The following VCL variants were observed in gnomAD, a reference collection of about 807,000 sequenced individuals.
VCL encodes the protein vinculin, also known as epididymis luminal protein 114.
A neutral mutation model predicts 125.7 loss-of-function variants in VCL; 47 were observed. The ratio of observed to expected loss-of-function variants is 0.37; its 90% CI spans 0.30 to 0.48. The LOEUF (loss-of-function observed/expected upper bound fraction) is 0.48. VCL is among the 20% of genes least tolerant of loss of function. The pLI is 0.99. For synonymous variants in VCL, 458 were observed against 514.6 expected (o/e 0.89, Z 1.49); for missense variants, 1,069 against 1,455.5 (o/e 0.73, Z 4.32).
chr10:74,087,959 C>T (rs117335235), intron 8 of VCL, among the ~76,000 whole-genome samples: 1,783 of 152,152 alleles, frequency 0.012, 22 homozygotes, highest in Admixed American at 0.021. Flanking sequence ...CCCAAGATCG[C>T]GCCACTTCAT....
At chr10:74,047,987 CA>C (rs1841220993) in intron 2 of VCL, among the ~76,000 whole-genome samples, 1 of 152,138 alleles carries the variant, frequency 6.6e-6, no homozygotes, top group Admixed American at 6.6e-5. Context: ...GCTGCACTGG[CA>C]GATAGAGCTC....
rs66999390 is a variant in VCL, at chr10:74,096,150, CT to C, written c.1743+310del. 0.013 allele frequency among the ~76,000 whole-genome samples: 259 copies of C among 20,010 alleles called. 1 individual carries two copies. Among genetic ancestry groups the C allele is most frequent in the Middle Eastern group, 0.071 (2 of 28 alleles). The allele number at this position is 20,010 out of a possible 152,430, so 13.1% of individuals were successfully genotyped here. On this transcript the variant is annotated intron_variant, in intron 12 of 21. Coordinates refer to ENST00000211998, the MANE Select transcript of VCL (RefSeq NM_014000.3). ...TAGCCAATATTTTTCTTAAAATGGA[CT>C]TTTTTTTTTTTTTTAAATGGACTTC...
intron 16 of VCL, among the ~76,000 whole-genome samples, chr10:74,105,809 C>T (rs1270196655): frequency 6.9e-6 from 1 of 144,576 alleles, no homozygotes; most frequent in African/African-American, 2.9e-5. Context: ...CCCGCCTTGG[C>T]CTGTCAAAGT....
intron 15 of VCL, 126 bp downstream of exon 15, chr10:74,104,054 A>G (rs1238837121): frequency 2.1e-6 from 2 of 962,782 alleles, no homozygotes; most frequent in Non-Finnish European, 3.2e-6. Flanking sequence ...TGAGCAGTGT[A>G]CTTGGCTCTG....
intron 1 of VCL, among the ~76,000 whole-genome samples, chr10:74,033,859 G>A (rs1271445883): frequency 6.6e-6 from 1 of 152,072 alleles, no homozygotes; most frequent in African/African-American, 2.4e-5. Flanking sequence ...GCCAGGGGCT[G>A]GGAGCCATCC....
chr10:74,089,948 C>G (rs1591702038), intron 9 of VCL, 75 bp from the exon 10 acceptor site: 1 of 1,553,538 alleles, frequency 6.4e-7, no homozygotes, highest in East Asian at 2.2e-5. Context: ...AATCCTTCTT[C>G]TGGCCTTGTT....
chr10:74,015,454 T>G (rs1394140444), intron 1 of VCL, among the ~76,000 whole-genome samples: 2 of 152,044 alleles, frequency 1.3e-5, no homozygotes, highest in African/African-American at 4.8e-5. Flanking sequence ...CTCGGGAGAC[T>G]GAGGCAGGAG....
intron 1 of VCL, among the ~76,000 whole-genome samples, chr10:74,012,727 G>C (rs1565633043): frequency 6.6e-6 from 1 of 152,108 alleles, no homozygotes; most frequent in Non-Finnish European, 1.5e-5. Flanking sequence ...GCTGCTTTCT[G>C]CTTGTGGCTG....
At chr10:74,012,297 G>C (rs1046031809) in intron 1 of VCL, among the ~76,000 whole-genome samples, 5 of 152,200 alleles carry the variant, frequency 3.3e-5, no homozygotes, top group Admixed American at 6.5e-5. Flanking sequence ...AAAAAATGTA[G>C]ATCAGCAACA....
chr10:74,090,924 C>T (rs375537353), intron 10 of VCL, among the ~76,000 whole-genome samples: 249 of 152,176 alleles, frequency 1.6e-3, no homozygotes, highest in African/African-American at 5.3e-3. Flanking sequence ...CCTCAGCCTC[C>T]GGAGTAGCTG....
intron 21 of VCL, among the ~76,000 whole-genome samples, chr10:74,115,539 T>G (rs1437427423): frequency 6.6e-6 from 1 of 152,218 alleles, no homozygotes; most frequent in Non-Finnish European, 1.5e-5. Context: ...CAGTTAGGAC[T>G]CTACTCAGTT....
At chr10:74,068,908 G>A (rs888588790) in intron 2 of VCL, among the ~76,000 whole-genome samples, 3 of 148,918 alleles carry the variant, frequency 2.0e-5, no homozygotes. Flanking sequence ...ATATGCTTGT[G>A]TAATATGTAT....
intron 1 of VCL, among the ~76,000 whole-genome samples, chr10:74,021,915 G>T (rs1840675987): frequency 6.6e-6 from 1 of 151,664 alleles, no homozygotes; most frequent in Non-Finnish European, 1.5e-5. Flanking sequence ...AACCAGTCTG[G>T]ATTAGGCTGA....
intron 8 of VCL, 46 bp downstream of exon 8, chr10:74,083,559 C>T (rs1219658975): frequency 1.2e-6 from 2 of 1,607,966 alleles, no homozygotes; most frequent in Non-Finnish European, 1.7e-6. Flanking sequence ...GTAACTCACT[C>T]CTAACAGGGT....
chr10:74,028,563 A>G (rs906008593), intron 1 of VCL, among the ~76,000 whole-genome samples: 11 of 149,786 alleles, frequency 7.3e-5, no homozygotes, highest in Non-Finnish European at 1.3e-4. Flanking sequence ...TGCCCAACTA[A>G]TTTTTGTATT....
chr10:74,086,068 T>G (rs975045151), intron 8 of VCL, among the ~76,000 whole-genome samples: 1 of 152,158 alleles, frequency 6.6e-6, no homozygotes, highest in Non-Finnish European at 1.5e-5. Flanking sequence ...GGTTTCACCA[T>G]GTTGATCAGG....
chr10:74,113,710 G>T (rs1840266301), intron 19 of VCL, among the ~76,000 whole-genome samples: 1 of 152,122 alleles, frequency 6.6e-6, no homozygotes, highest in Non-Finnish European at 1.5e-5. Context: ...CATCTGGAAA[G>T]GCTCCTCTGT....
At position 74,107,220 on chromosome 10, in the gene VCL, T is replaced by C. The variant is rs201207594; in HGVS notation, c.2435-10T>C. The C allele has an allele frequency of 1.9e-6, 3 of 1,614,202 alleles. No homozygotes were observed. The highest frequency in any genetic ancestry group is 2.5e-6 in the Non-Finnish European group (3 of 1,180,024). On this transcript the variant is annotated splice_polypyrimidine_tract_variant and intron_variant, in intron 16 of 21. Coordinates refer to ENST00000211998, the MANE Select transcript of VCL (RefSeq NM_014000.3). ...CCACCCAGCTGAAAGTGAGGATGTC[T>C]TGTGTTTAGGACTGCAAAAGAGCTT...
In VCL at chr10:74,105,129, G is replaced by A. The variant is rs1377171552; in HGVS notation, c.2210G>A (p.Cys737Tyr). 2 of 1,614,226 alleles carry A rather than the reference G, an allele frequency of 1.2e-6. No individual in the cohort carries two copies. The highest frequency in any genetic ancestry group is 3.3e-5 in the Admixed American group (2 of 60,028). Residue 737 changes from cysteine to tyrosine, a missense_variant, in exon 16 of 22, where the codon TGC (cysteine) becomes TAC (tyrosine). Physicochemically the swap from Cys to Tyr is radical, Grantham distance 194. Coordinates refer to ENST00000211998, the MANE Select transcript of VCL (RefSeq NM_014000.3). ...GCAATTAAAAAAGACCTGGACAAGT[G>A]CAAGGTAGCTATGGCCAACATTCAG... ...EEAIKKDLDK[C>Y]KVAMANIQPQ...
Sources: gnomAD v4.1 joint callset for allele counts (sites outside exome capture counted in the v4.1 genomes callset) on GRCh38, gnomAD v4.1.1 for gene constraint, MANE v1.5 for transcripts, NCBI Gene and HGNC (gene_info 2026-07-23, HGNC 2026-07-21) for gene names.